Variants in TBXAS1 observed in about 807,000 individuals in gnomAD.
The protein encoded by TBXAS1 is thromboxane-A synthase.
Under a neutral mutation model 60.7 loss-of-function variants are expected in TBXAS1, and 48 were observed. That is an observed-to-expected ratio of 0.79 (90% confidence interval 0.63 to 1.01). TBXAS1 has a LOEUF of 1.01. Among genes scored for constraint, TBXAS1 ranks in the 50% least tolerant of loss-of-function variants. The pLI is 0.00. For missense variants in TBXAS1, 685 were observed against 686.3 expected, an observed-to-expected ratio of 1.00 and a Z score of 0.02; for synonymous variants, 287 against 269.7, an observed-to-expected ratio of 1.06 and a Z score of -0.63.
At chr7:139,805,843 C>G (rs1018182123) in intron 4 of TBXAS1, among the ~76,000 whole-genome samples, 2 of 149,478 alleles carry the variant, frequency 1.3e-5, no homozygotes, top group African/African-American at 4.9e-5. Context: ...TCACTGCAAC[C>G]TCTGCCTCTG....
In TBXAS1 at chr7:139,809,233, T is replaced by TAGATAGATAGATGATA. The variant is rs1554466810; in HGVS notation, c.-79-20079_-79-20078insAGATAGATAGATGATA. Among the ~76,000 whole-genome samples the TAGATAGATAGATGATA allele has an allele frequency of 5.6e-3, 735 of 130,986 alleles. 7 individuals carry two copies. Among genetic ancestry groups the TAGATAGATAGATGATA allele is most frequent in the African/African-American group, 0.012 (402 of 33,840 alleles). 85.9% of individuals were successfully genotyped at this position (130,986 alleles called of 152,430 possible). ...ATAGATAGATAGATAGATAGATAGA[T>TAGATAGATAGATGATA]GATAGATAGATAGATAGATAGATAG... On this transcript the variant is annotated intron_variant, in intron 4 of 16. Transcript: ENST00000336425.
intron 12 of TBXAS1, among the ~76,000 whole-genome samples, chr7:140,018,740 G>A (rs1293706186): frequency 6.6e-6 from 1 of 152,152 alleles, no homozygotes; most frequent in Non-Finnish European, 1.5e-5. Flanking sequence ...CAGCAGGACT[G>A]CAGGCTTCGT....
intron 9 of TBXAS1, among the ~76,000 whole-genome samples, chr7:139,988,784 C>T (rs1812685429): frequency 6.6e-6 from 1 of 152,160 alleles, no homozygotes; most frequent in Admixed American, 6.5e-5. Flanking sequence ...CTCCAGACCC[C>T]AGCCAGCCAC....
intron 3 of TBXAS1, among the ~76,000 whole-genome samples, chr7:139,885,687 A>G (rs1462602277): frequency 6.6e-6 from 1 of 152,242 alleles, no homozygotes; most frequent in East Asian, 1.9e-4. Flanking sequence ...TGAAGAAGCA[A>G]TGAGTTCCCA....
At chr7:139,909,907 C>T (rs1474209918) in intron 3 of TBXAS1, among the ~76,000 whole-genome samples, 2 of 152,174 alleles carry the variant, frequency 1.3e-5, no homozygotes, top group African/African-American at 2.4e-5. Context: ...GTTGGTAGTC[C>T]GGCACTCACG....
chr7:139,904,845 T>C lies in TBXAS1; in HGVS notation c.237-6380T>C, dbSNP rs115466893. Among the ~76,000 whole-genome samples, 1,061 of 152,270 alleles carry C rather than the reference T, an allele frequency of 7.0e-3. 15 individuals are homozygous for C. The highest frequency in any genetic ancestry group is 0.025 in the African/African-American group (1,032 of 41,566). ...TTTTTTATCAGTTCCAGGACCTTTC[T>C]GGAGGAGTCCTTAGGGTTTTCAAGG... On this transcript the variant is annotated intron_variant, in intron 3 of 12. Coordinates refer to ENST00000448866, the MANE Select transcript of TBXAS1 (RefSeq NM_001061.7).
intron 3 of TBXAS1, among the ~76,000 whole-genome samples, chr7:139,905,477 T>C (rs1338769682): frequency 6.6e-6 from 1 of 152,196 alleles, no homozygotes; most frequent in Non-Finnish European, 1.5e-5. Context: ...CACCTGATGT[T>C]CGTGGATTAT....
At chr7:139,814,890 G>A (rs1403384792) in intron 4 of TBXAS1, among the ~76,000 whole-genome samples, 1 of 152,136 alleles carries the variant, frequency 6.6e-6, no homozygotes, top group African/African-American at 2.4e-5. Flanking sequence ...CTGGTCCCTA[G>A]GTGGTGAGCT....
rs185972086 is a variant in TBXAS1, at chr7:139,868,631, G to A, written c.90-3604G>A. Among the ~76,000 whole-genome samples the A allele has an allele frequency of 1.1e-4, 16 of 149,776 alleles. No individual in the cohort carries two copies. The East Asian group carries it at 3.1e-3, about 29-fold the overall frequency. ...TCCAAGTAGCTGGGACTATAGGTGT[G>A]TGCCACCACACCTGGCTAATATTTT... On this transcript the variant is annotated intron_variant, in intron 1 of 12. Coordinates refer to ENST00000448866, the MANE Select transcript of TBXAS1 (RefSeq NM_001061.7).
intron 4 of TBXAS1, among the ~76,000 whole-genome samples, chr7:139,805,720 C>CTTTCTT: frequency 9.4e-6 from 1 of 106,846 alleles, no homozygotes; most frequent in South Asian, 3.2e-4. Flanking sequence ...CTTTCTCTCT[C>CTTTCTT]TCTCTCTCTC....
upstream of TBXAS1, among the ~76,000 whole-genome samples, chr7:139,825,398 G>A (rs1454154885): frequency 5.9e-5 from 9 of 152,160 alleles, no homozygotes; most frequent in South Asian, 4.2e-4. Context: ...TCCACTCTGC[G>A]CAGCCACAGA....
intron 4 of TBXAS1, among the ~76,000 whole-genome samples, chr7:139,798,686 G>A (rs1258968154): frequency 1.3e-5 from 2 of 152,188 alleles, no homozygotes. Flanking sequence ...CATAATTCAT[G>A]TTCCTGATCG....
chr7:139,872,759 G>C (rs1801917075), intron 2 of TBXAS1, among the ~76,000 whole-genome samples: 1 of 152,214 alleles, frequency 6.6e-6, no homozygotes, highest in African/African-American at 2.4e-5. Flanking sequence ...ACCTTGAGCA[G>C]TAAAGGTGTT....
Position 139,955,434 on chromosome 7 carries a change from A to G in TBXAS1, c.540-25A>G, listed in dbSNP as rs775016738. 3.1e-6 allele frequency: 5 copies of G among 1,613,876 alleles called. No individual in the cohort carries two copies. In the South Asian group the frequency reaches 5.5e-5, roughly 18 times the overall value. On this transcript the variant is annotated intron_variant, in intron 6 of 12. Transcript: ENST00000448866. Reference sequence around the variant, plus strand: ...GTAGCCCCTGCCAGAGTCCTTTCAGATCTCTGTGCTCCCATCTCCCGTAGG... The same window carrying G: ...GTAGCCCCTGCCAGAGTCCTTTCAGGTCTCTGTGCTCCCATCTCCCGTAGG...
chr7:139,875,338 G>A (rs1191215869), intron 2 of TBXAS1, among the ~76,000 whole-genome samples: 1 of 152,158 alleles, frequency 6.6e-6, no homozygotes, highest in Non-Finnish European at 1.5e-5. Context: ...GAATATTTTA[G>A]CAGCAAGTAT....
intron 4 of TBXAS1, among the ~76,000 whole-genome samples, chr7:139,804,184 G>A (rs527454729): frequency 6.6e-6 from 1 of 152,338 alleles, no homozygotes; most frequent in East Asian, 1.9e-4. Flanking sequence ...GCCCAAGCTT[G>A]TGTCAGCATG....
intron 9 of TBXAS1, among the ~76,000 whole-genome samples, chr7:139,993,146 G>A (rs887057232): frequency 1.1e-4 from 16 of 152,172 alleles, no homozygotes; most frequent in Non-Finnish European, 2.1e-4. Context: ...GCAGTGAGCC[G>A]ATCCAGCCTG....
chr7:139,819,090 C>T (rs1798227212), intron 4 of TBXAS1, among the ~76,000 whole-genome samples: 1 of 152,252 alleles, frequency 6.6e-6, no homozygotes, highest in Non-Finnish European at 1.5e-5. Context: ...GGGACCCCAC[C>T]TGTGGCAGGA....
At chr7:139,858,379 A>G (rs556687542) in intron 1 of TBXAS1, among the ~76,000 whole-genome samples, 1 of 152,236 alleles carries the variant, frequency 6.6e-6, no homozygotes, top group African/African-American at 2.4e-5. Flanking sequence ...AGTGGAGACC[A>G]TTTATCGTTT....
Sources: gnomAD v4.1 joint callset for allele counts (sites outside exome capture counted in the v4.1 genomes callset) on GRCh38, gnomAD v4.1.1 for gene constraint, MANE v1.5 for transcripts, NCBI Gene and HGNC (gene_info 2026-07-23, HGNC 2026-07-21) for gene names.